The following RNF115 variants were observed in gnomAD, a reference collection of about 807,000 sequenced individuals.
RNF115 encodes E3 ubiquitin-protein ligase RNF115.
RNF115 carries 31 observed loss-of-function variants against 39.2 expected under a neutral mutation model. The observed-to-expected ratio is 0.79, with a 90% confidence interval of 0.59 to 1.07. The LOEUF (loss-of-function observed/expected upper bound fraction) is 1.07. Ranked by LOEUF, RNF115 falls within the 50% of genes least tolerant of loss-of-function variation. RNF115 has a pLI of 0.00. For missense variants in RNF115, 384 were observed against 381.7 expected (o/e 1.01, Z -0.05); for synonymous variants, 124 against 131.0 (o/e 0.95, Z 0.37).
At position 145,784,404 on chromosome 1, in the gene RNF115, G is replaced by A. The variant is rs898826811; in HGVS notation, c.219+135C>T. On this transcript the variant is annotated intron_variant, in intron 3 of 8. Coordinates refer to ENST00000582693, the MANE Select transcript of RNF115 (RefSeq NM_014455.4). ...ACTGAAAACACAAATCTTCCCAAGG[G>A]TTACTACGGCCCACATTTTTTCTTA... 43 of 772,472 alleles carry A rather than the reference G, an allele frequency of 5.6e-5. No individual in the cohort carries two copies. The African/African-American group carries it at 5.7e-4, about 10-fold the overall frequency. 47.9% of individuals were successfully genotyped at this position (772,472 alleles called of 1,614,324 possible).
intron 5 of RNF115, among the ~76,000 whole-genome samples, 158 bp downstream of exon 5, chr1:145,752,820 C>T (rs587744331): frequency 3.3e-5 from 5 of 152,120 alleles, no homozygotes; most frequent in African/African-American, 1.2e-4. Flanking sequence ...ATCTCCTGAC[C>T]TCGTGATCCG....
intron 4 of RNF115, among the ~76,000 whole-genome samples, chr1:145,771,175 G>A (rs1346973300): frequency 2.6e-5 from 4 of 152,218 alleles, no homozygotes; most frequent in African/African-American, 9.6e-5. Context: ...GACTTTAAGA[G>A]ATGAATCTCC....
chr1:145,751,605 C>G, intron 5 of RNF115, 95 bp from the exon 6 acceptor site: 3 of 740,820 alleles, frequency 4.0e-6, no homozygotes, highest in Middle Eastern at 4.9e-4. Flanking sequence ...TGTTCTCTCT[C>G]AGAGCTGGAA....
At chr1:145,779,280 T>G in intron 3 of RNF115, among the ~76,000 whole-genome samples, 1 of 151,970 alleles carries the variant, frequency 6.6e-6, no homozygotes, top group Non-Finnish European at 1.5e-5. Context: ...GCTCAAGAGA[T>G]TCTCCCACCT....
intron 4 of RNF115, among the ~76,000 whole-genome samples, chr1:145,759,248 T>TA (rs1427458614): frequency 1.4e-4 from 22 of 152,216 alleles, no homozygotes; most frequent in African/African-American, 4.8e-4. Flanking sequence ...TAATTTTAAA[T>TA]ATCATATATA....
rs1030121728 is a variant in RNF115, at chr1:145,740,699, T to C, written c.*6167A>G. ...TAAATATCTTTCAAATATTTGTATA[T>C]ATTTCAATTGGATGTAGATTCTGGT... On this transcript the variant is annotated 3_prime_UTR_variant, in exon 9 of 9. Coordinates refer to ENST00000582693, the MANE Select transcript of RNF115 (RefSeq NM_014455.4). The C allele has an allele frequency of 2.2e-4, 33 of 152,240 alleles. No individual in the cohort carries two copies. Among genetic ancestry groups the C allele is most frequent in the Non-Finnish European group, 7.3e-5 (5 of 68,038 alleles). 9.4% of individuals were successfully genotyped at this position (152,240 alleles called of 1,614,324 possible).
At chr1:145,802,316 A>G (rs782374104) in intron 1 of RNF115, among the ~76,000 whole-genome samples, 9 of 152,180 alleles carry the variant, frequency 5.9e-5, no homozygotes, top group Non-Finnish European at 1.2e-4. Context: ...TACCCACTTA[A>G]AAGAACAGCC....
At position 145,744,583 on chromosome 1, in the gene RNF115, G is replaced by T; in HGVS notation, c.*2283C>A. 1 of 152,244 alleles carries T rather than the reference G, an allele frequency of 6.6e-6. No homozygotes were observed. Among genetic ancestry groups the T allele is most frequent in the African/African-American group, 2.4e-5 (1 of 41,512 alleles). The allele number at this position is 152,244 out of a possible 1,614,324, so 9.4% of individuals were successfully genotyped here. On this transcript the variant is annotated 3_prime_UTR_variant, in exon 9 of 9. Coordinates refer to ENST00000582693, the MANE Select transcript of RNF115 (RefSeq NM_014455.4). ...TCTGACTCCTTCATCCTTTACCAAA[G>T]TACAGAGAAACGTTATCTCTAGCCC...
chr1:145,758,220 T>G (rs1658373682), intron 4 of RNF115, among the ~76,000 whole-genome samples: 1 of 152,166 alleles, frequency 6.6e-6, no homozygotes, highest in Admixed American at 6.5e-5. Context: ...TCCTGCTTCC[T>G]CTATCATTCT....
At chr1:145,799,604 G>C (rs1327121691) in intron 1 of RNF115, among the ~76,000 whole-genome samples, 4 of 150,622 alleles carry the variant, frequency 2.7e-5, no homozygotes, top group Non-Finnish European at 5.9e-5. Context: ...TTTTTTGTTG[G>C]GGGGAGGGGG....
chr1:145,817,939 T>C (rs1650061976), intron 1 of RNF115, among the ~76,000 whole-genome samples: 2 of 127,456 alleles, frequency 1.6e-5, no homozygotes, highest in South Asian at 5.4e-4. Context: ...TTTTGTTTTT[T>C]TTAAATAGCT....
At chr1:145,766,672 G>GCTGAC (rs1647298557) in intron 4 of RNF115, among the ~76,000 whole-genome samples, 2 of 146,612 alleles carry the variant, frequency 1.4e-5, no homozygotes, top group African/African-American at 5.0e-5. Context: ...CGGGCGGGGG[G>GCTGAC]CTGACCCCCC....
At chr1:145,769,507 C>A (rs1036344430) in intron 4 of RNF115, among the ~76,000 whole-genome samples, 2 of 152,106 alleles carry the variant, frequency 1.3e-5, no homozygotes, top group South Asian at 4.2e-4. Context: ...AAACACTACC[C>A]TATACTATCA....
At chr1:145,783,002 C>T (rs910328917) in intron 3 of RNF115, among the ~76,000 whole-genome samples, 7 of 152,190 alleles carry the variant, frequency 4.6e-5, no homozygotes, top group African/African-American at 1.7e-4. Flanking sequence ...GCTAGGATTA[C>T]AGGCTCATGC....
At chr1:145,822,099 G>T (rs1650278373) in intron 1 of RNF115, among the ~76,000 whole-genome samples, 1 of 152,222 alleles carries the variant, frequency 6.6e-6, no homozygotes, top group South Asian at 2.1e-4. Flanking sequence ...GCCCGAGTCG[G>T]GTGGATCACT....
chr1:145,759,373 T>C (rs1658417517), intron 4 of RNF115, among the ~76,000 whole-genome samples: 1 of 152,136 alleles, frequency 6.6e-6, no homozygotes, highest in African/African-American at 2.4e-5. Flanking sequence ...CTCTTAAATA[T>C]TTTCCTCCAA....
At chr1:145,799,368 C>T (rs587695118) in intron 1 of RNF115, among the ~76,000 whole-genome samples, 36 of 152,026 alleles carry the variant, frequency 2.4e-4, no homozygotes, top group African/African-American at 4.6e-4. Flanking sequence ...AGCCAGCTTC[C>T]GGGTTTTCAA....
At chr1:145,819,534 G>T (rs1327934331) in intron 1 of RNF115, among the ~76,000 whole-genome samples, 1 of 152,030 alleles carries the variant, frequency 6.6e-6, no homozygotes, top group Admixed American at 6.6e-5. Context: ...CACCAGACAC[G>T]AAGAAGAGCT....
chr1:145,747,046 TG>T, intron 8 of RNF115, 49 bp from the exon 9 acceptor site: 3 of 1,570,474 alleles, frequency 1.9e-6, no homozygotes, highest in Non-Finnish European at 2.6e-6. Context: ...CCTGAGAAGC[TG>T]GGAGTATTGT....
Sources: allele counts gnomAD v4.1 joint callset (sites outside exome capture counted in the v4.1 genomes callset), GRCh38; gene constraint gnomAD v4.1.1; transcripts MANE v1.5; gene names NCBI Gene and HGNC (gene_info 2026-07-23, HGNC 2026-07-21).